Variants in FILIP1L observed in about 807,000 individuals in gnomAD.
FILIP1L encodes the protein filamin A-interacting protein 1-like.
Under a neutral mutation model 96.6 loss-of-function variants are expected in FILIP1L, and 55 were observed. The observed-to-expected ratio is 0.57, with a 90% confidence interval of 0.46 to 0.71. The LOEUF (loss-of-function observed/expected upper bound fraction) is 0.71. Ranked by LOEUF, FILIP1L falls within the 30% of genes least tolerant of loss-of-function variation. FILIP1L has a pLI of 0.00. For synonymous variants in FILIP1L, 467 were observed against 473.9 expected (o/e 0.99, Z 0.19); for missense variants, 1,304 against 1,321.2 (o/e 0.99, Z 0.20).
chr3:100,041,135 A>G (rs1306907281), intron 1 of FILIP1L: 1 of 152,192 alleles, frequency 6.6e-6, no homozygotes, highest in East Asian at 1.9e-4. Context: ...GCTCAGATAT[A>G]GCTAAATGCA....
chr3:99,860,574 T>C lies in FILIP1L; in HGVS notation c.606-9504A>G, dbSNP rs187421372. On this transcript the variant is annotated intron_variant, in intron 4 of 5. Transcript: ENST00000477258. ...TCTGAGGGTCCACAGGCACAGAACT[T>C]GGGTAGTTAGGCAGCTACAAGGAGA... 2.5e-3 allele frequency among the ~76,000 whole-genome samples: 385 copies of C among 152,128 alleles called. 3 individuals are homozygous for C. Among genetic ancestry groups the C allele is most frequent in the Middle Eastern group, 0.014 (4 of 294 alleles).
rs144349157 is a variant in FILIP1L, at chr3:99,875,858, C to A, written c.606-24788G>T. ...CACCTCTCAACATTTAAAATTAAATCTCTAATCTGTTTTCTCCTCCAGAGA... is the reference window on the plus strand; with the variant it reads ...CACCTCTCAACATTTAAAATTAAATATCTAATCTGTTTTCTCCTCCAGAGA... On this transcript the variant is annotated intron_variant, in intron 4 of 5. Transcript: ENST00000477258. Among the ~76,000 whole-genome samples, 65 of 152,360 alleles carry A rather than the reference C, an allele frequency of 4.3e-4. No individual in the cohort carries two copies. In the East Asian group the frequency reaches 0.012, roughly 28 times the overall value.
chr3:100,013,219 GT>G (rs1215822751), intron 1 of FILIP1L, among the ~76,000 whole-genome samples: 4 of 147,346 alleles, frequency 2.7e-5, no homozygotes, highest in African/African-American at 5.1e-5. Flanking sequence ...GTGAGGTGTT[GT>G]TGTTGTTGTT....
intron 1 of FILIP1L, among the ~76,000 whole-genome samples, chr3:99,976,738 C>T (rs1708983663): frequency 1.3e-5 from 2 of 152,044 alleles, no homozygotes; most frequent in Admixed American, 1.3e-4. Context: ...ATTGTTGTTA[C>T]TTACCCTACT....
At position 99,992,027 on chromosome 3, in the gene FILIP1L, C is replaced by T. The variant is rs558661119; in HGVS notation, c.-10-60997G>A. On this transcript the variant is annotated intron_variant, in intron 1 of 5. Coordinates refer to ENST00000477258, the MANE Select transcript of FILIP1L (RefSeq NM_001387850.1). ...ATGTGTGTGTGTATATATATATATA[C>T]GTGTATATATATATACCACTCTTTC... Among the ~76,000 whole-genome samples, 60 of 147,114 alleles carry T rather than the reference C, an allele frequency of 4.1e-4. No homozygotes were observed. In the South Asian group the frequency reaches 5.4e-3, roughly 13 times the overall value.
At chr3:100,091,508 A>G (rs557454222) in intron 1 of FILIP1L, among the ~76,000 whole-genome samples, 100 of 152,372 alleles carry the variant, frequency 6.6e-4, no homozygotes, top group African/African-American at 2.2e-3. Context: ...AATGCTTTGC[A>G]GCACAAGCCT....
intron 4 of FILIP1L, among the ~76,000 whole-genome samples, chr3:99,865,897 G>T (rs1372711219): frequency 6.6e-6 from 1 of 151,906 alleles, no homozygotes; most frequent in Non-Finnish European, 1.5e-5. Flanking sequence ...TCCAGGAATG[G>T]TTCTTTAGAA....
chr3:99,944,012 A>T (rs1707930801), intron 1 of FILIP1L, among the ~76,000 whole-genome samples: 1 of 152,198 alleles, frequency 6.6e-6, no homozygotes, highest in African/African-American at 2.4e-5. Context: ...CCTAATGGAG[A>T]TGTCATAATG....
At chr3:99,913,014 G>A (rs1450155232) in intron 4 of FILIP1L, among the ~76,000 whole-genome samples, 3 of 152,122 alleles carry the variant, frequency 2.0e-5, no homozygotes, top group African/African-American at 7.2e-5. Flanking sequence ...GGTTAGAGGG[G>A]CATTCATGAA....
At chr3:99,848,191 C>T (rs1457820546) in intron 5 of FILIP1L, 104 bp downstream of exon 5, 42 of 1,559,682 alleles carry the variant, frequency 2.7e-5, no homozygotes, top group Non-Finnish European at 3.1e-5. Flanking sequence ...TTCAGTCAGT[C>T]TTGGGGGATA....
At chr3:100,098,233 TACCTGTATTGGTG>T in intron 1 of FILIP1L, among the ~76,000 whole-genome samples, 1 of 152,332 alleles carries the variant, frequency 6.6e-6, no homozygotes, top group Non-Finnish European at 1.5e-5. Context: ...AACTACACGG[TACCTGTATTGGTG>T]ATGATAAGCT....
intron 1 of FILIP1L, among the ~76,000 whole-genome samples, chr3:99,944,644 G>A (rs1707954356): frequency 1.3e-5 from 2 of 152,188 alleles, no homozygotes; most frequent in African/African-American, 2.4e-5. Context: ...CACAGAACTG[G>A]CAAGTGGCAG....
chr3:100,006,954 T>G (rs926021987), intron 1 of FILIP1L, among the ~76,000 whole-genome samples: 4 of 152,236 alleles, frequency 2.6e-5, no homozygotes, highest in Non-Finnish European at 5.9e-5. Flanking sequence ...TTTGTTTGGT[T>G]TTGTTCTGTA....
intron 1 of FILIP1L, among the ~76,000 whole-genome samples, chr3:99,934,377 A>T (rs571676547): frequency 6.6e-6 from 1 of 152,278 alleles, no homozygotes; most frequent in East Asian, 1.9e-4. Flanking sequence ...AGCGAAATAT[A>T]TTTGGTTCTT....
chr3:99,976,131 C>T (rs1040452554), intron 1 of FILIP1L, among the ~76,000 whole-genome samples: 3 of 152,016 alleles, frequency 2.0e-5, no homozygotes, highest in Non-Finnish European at 4.4e-5. Flanking sequence ...GTGGTTCGCC[C>T]GCCTCAGCCT....
chr3:99,875,608 G>A (rs1281596779), intron 4 of FILIP1L, among the ~76,000 whole-genome samples: 2 of 152,140 alleles, frequency 1.3e-5, no homozygotes, highest in Admixed American at 6.5e-5. Context: ...TCCTAACAGT[G>A]TTTTTCTAGT....
At chr3:99,988,847 G>T (rs1045284388) in intron 1 of FILIP1L, among the ~76,000 whole-genome samples, 1 of 152,058 alleles carries the variant, frequency 6.6e-6, no homozygotes, top group African/African-American at 2.4e-5. Context: ...TCCAAATCTG[G>T]CAGGTGCCTT....
intron 5 of FILIP1L, 75 bp downstream of exon 5, chr3:99,848,220 A>G (rs1368504652): frequency 3.4e-5 from 53 of 1,575,322 alleles, no homozygotes; most frequent in Non-Finnish European, 4.6e-5. Context: ...TGATTAAAAA[A>G]GGATTGAGTT....
chr3:99,895,349 A>G (rs114012789), intron 4 of FILIP1L, among the ~76,000 whole-genome samples: 4,069 of 150,584 alleles, frequency 0.027, 78 homozygotes, highest in Non-Finnish European at 0.038. Flanking sequence ...TTGGTCTCAT[A>G]TATTTAGTGA....
Sources: allele counts gnomAD v4.1 joint callset (sites outside exome capture counted in the v4.1 genomes callset), GRCh38; gene constraint gnomAD v4.1.1; transcripts MANE v1.5; gene names NCBI Gene and HGNC (gene_info 2026-07-23, HGNC 2026-07-21).